Variants in PAX8 observed in about 807,000 individuals in gnomAD.
PAX8 encodes the protein paired box 8, also known as paired box protein Pax-8.
A neutral mutation model predicts 52.4 loss-of-function variants in PAX8; 15 were observed. That is an observed-to-expected ratio of 0.29 (90% CI 0.19 to 0.44). The LOEUF (loss-of-function observed/expected upper bound fraction) is 0.44. PAX8 is among the 20% of genes least tolerant of loss of function. PAX8 has a pLI of 1.00. For synonymous variants in PAX8, 284 were observed against 249.7 expected, an observed-to-expected ratio of 1.14 and a Z score of -1.29; for missense variants, 554 against 602.5, an observed-to-expected ratio of 0.92 and a Z score of 0.84.
At chr2:113,243,481 T>C (rs1302533117) in intron 4 of PAX8, among the ~76,000 whole-genome samples, 1 of 152,076 alleles carries the variant, frequency 6.6e-6, no homozygotes, top group African/African-American at 2.4e-5. Context: ...AACCTCTGCC[T>C]CCCATGTTCA....
At chr2:113,227,754 C>T (rs1689669795) in intron 9 of PAX8, among the ~76,000 whole-genome samples, 1 of 152,106 alleles carries the variant, frequency 6.6e-6, no homozygotes. Context: ...GCCACTAACT[C>T]ATCACTATTT....
intron 9 of PAX8, chr2:113,230,742 C>T (rs1689841592): frequency 6.6e-6 from 1 of 152,232 alleles, no homozygotes; most frequent in Admixed American, 6.5e-5. Context: ...AAGAAGCTTG[C>T]AAGCCTTCTT....
chr2:113,219,759 A>G (rs1475359486), intron 11 of PAX8, among the ~76,000 whole-genome samples: 2 of 152,238 alleles, frequency 1.3e-5, no homozygotes, highest in East Asian at 3.9e-4. Context: ...TGGAGGCAGG[A>G]GGTCCTCTCT....
At chr2:113,273,514 G>A (rs1321193703) in intron 2 of PAX8, 4 of 152,214 alleles carry the variant, frequency 2.6e-5, no homozygotes, top group African/African-American at 9.6e-5. Flanking sequence ...CTGTGTACAG[G>A]TGTAACTTGC....
intron 11 of PAX8, among the ~76,000 whole-genome samples, chr2:113,219,799 C>T (rs934530729): frequency 6.6e-6 from 1 of 152,178 alleles, no homozygotes; most frequent in East Asian, 1.9e-4. Flanking sequence ...CCCTTGTCCT[C>T]CCCTTCAAGG....
At chr2:113,278,268 G>T in intron 2 of PAX8, 102 bp downstream of exon 2, 1 of 993,584 alleles carries the variant, frequency 1.0e-6, no homozygotes, top group Non-Finnish European at 1.5e-6. Flanking sequence ...GGTGGGTCCC[G>T]CGAATCCCGT....
intron 8 of PAX8, chr2:113,236,007 C>T (rs573467555): frequency 4.5e-4 from 97 of 216,886 alleles, no homozygotes; most frequent in African/African-American, 2.2e-3. Context: ...CCGCCTAGGA[C>T]CGGAGGCGCG....
intron 2 of PAX8, chr2:113,274,148 G>A (rs527831891): frequency 1.2e-4 from 19 of 152,166 alleles, no homozygotes; most frequent in African/African-American, 4.6e-4. Flanking sequence ...AGATCACAGG[G>A]GCTTTAATAA....
chr2:113,218,911 C>T (rs1689124475), intron 11 of PAX8, among the ~76,000 whole-genome samples: 1 of 152,188 alleles, frequency 6.6e-6, no homozygotes, highest in African/African-American at 2.4e-5. Context: ...GCATGTGGAA[C>T]CCCAAAGAAT....
chr2:113,235,285 G>A, intron 9 of PAX8, 109 bp downstream of exon 9: 1 of 897,494 alleles, frequency 1.1e-6, no homozygotes, highest in Non-Finnish European at 1.7e-6. Context: ...TAGGGAACAG[G>A]GTGGGGGTGG....
At position 113,238,884 on chromosome 2, in the gene PAX8, G is replaced by GA. The variant is rs1481170984; in HGVS notation, c.778-2164dup. 5 of 152,212 alleles carry GA rather than the reference G, an allele frequency of 3.3e-5. No homozygotes were observed. In the East Asian group the frequency reaches 9.6e-4, roughly 29 times the overall value. The allele number at this position is 152,212 out of a possible 1,614,324, so 9.4% of individuals were successfully genotyped here. A position where few individuals can be genotyped will look rare whatever the true frequency, so the allele number is the denominator to read the frequency against. On this transcript the variant is annotated intron_variant, in intron 7 of 11. Transcript: ENST00000429538. Reference sequence around the variant, plus strand: ...ATCACAGATATTATTTCAGAATCGTGAAGAGTCAGAAGCCACCAAATTCTT... The same window carrying GA: ...ATCACAGATATTATTTCAGAATCGTGAAAGAGTCAGAAGCCACCAAATTCTT...
rs978421736 is a variant in PAX8 at position 113,278,890 on chromosome 2, C to G, written c.-135G>C. On this transcript the variant is annotated 5_prime_UTR_variant, in exon 1 of 12. Coordinates refer to ENST00000429538, the MANE Select transcript of PAX8 (RefSeq NM_003466.4). ...TCCGCCCGCGAGGGTGCCCTGGGCC[C>G]GGTGTCTCTCCTCCTTCTGAAGTTT... The G allele has an allele frequency of 1.2e-5, 13 of 1,053,044 alleles. No individual in the cohort carries two copies. The highest frequency in any genetic ancestry group is 1.5e-5 in the Non-Finnish European group (13 of 870,632). 65.2% of individuals were successfully genotyped at this position (1,053,044 alleles called of 1,614,324 possible). A position where few individuals can be genotyped will look rare whatever the true frequency, so the allele number is the denominator to read the frequency against.
rs745733829 is a variant in PAX8, at chr2:113,220,214, G to C, written c.1190-36C>G. ...CACACAGGGGAGAGGCCTGTGAGGT[G>C]AAGGGCATCAATGCAGGGCTGGGGT... On this transcript the variant is annotated intron_variant, in intron 10 of 11. Coordinates refer to ENST00000429538, the MANE Select transcript of PAX8 (RefSeq NM_003466.4). 4 of 1,519,822 alleles carry C rather than the reference G, an allele frequency of 2.6e-6. No homozygotes were observed. In the East Asian group the frequency reaches 6.8e-5, roughly 26 times the overall value. 94.1% of individuals were successfully genotyped at this position (1,519,822 alleles called of 1,614,324 possible). A position where few individuals can be genotyped will look rare whatever the true frequency, so the allele number is the denominator to read the frequency against.
At chr2:113,224,834 TAAAATATAAAATAAAATAAA>T (rs1416918531) in intron 10 of PAX8, among the ~76,000 whole-genome samples, 76 of 130,596 alleles carry the variant, frequency 5.8e-4, no homozygotes, top group Non-Finnish European at 1.0e-3. Flanking sequence ...TAAAATAAAA[TAAAATATAAAATAAAATAAA>T]ATAAAATAAA....
chr2:113,278,453 C>T lies in PAX8; in HGVS notation c.-59G>A. 4.4e-6 allele frequency: 7 copies of T among 1,605,374 alleles called. No homozygotes were observed. In the South Asian group the frequency reaches 7.7e-5, roughly 18 times the overall value. ...CGGGGCTTCCTCCCGTAGGTCCGGGCCGCGCCTGCCGCTGCCCTGCACAAA... is the reference window on the plus strand; with the variant it reads ...CGGGGCTTCCTCCCGTAGGTCCGGGTCGCGCCTGCCGCTGCCCTGCACAAA... On this transcript the variant is annotated 5_prime_UTR_variant, in exon 2 of 12. Coordinates refer to ENST00000429538, the MANE Select transcript of PAX8 (RefSeq NM_003466.4).
chr2:113,246,963 G>A (rs1361254819), intron 2 of PAX8, 44 bp from the exon 3 acceptor site: 2 of 1,576,354 alleles, frequency 1.3e-6, no homozygotes, highest in Non-Finnish European at 1.7e-6. Context: ...GGGTCAGGTA[G>A]GAGTTTGGGT....
At chr2:113,240,084 G>C (rs935161059) in intron 7 of PAX8, 3 of 152,228 alleles carry the variant, frequency 2.0e-5, no homozygotes, top group Non-Finnish European at 4.4e-5. Context: ...TCATCAGCAG[G>C]GTTTCTTTAC....
intron 2 of PAX8, among the ~76,000 whole-genome samples, chr2:113,261,760 G>A (rs1692696017): frequency 6.6e-6 from 1 of 152,086 alleles, no homozygotes. Context: ...GTAGAGTGGA[G>A]GAAGAAAGTG....
intron 2 of PAX8, 150 bp from the exon 3 acceptor site, chr2:113,247,069 C>A (rs1204140107): frequency 1.3e-6 from 1 of 741,346 alleles, no homozygotes; most frequent in Non-Finnish European, 2.3e-6. Flanking sequence ...CCTCTGCACC[C>A]CTTCCCCAGT....
Sources: allele counts gnomAD v4.1 joint callset (sites outside exome capture counted in the v4.1 genomes callset), GRCh38; gene constraint gnomAD v4.1.1; transcripts MANE v1.5; gene names NCBI Gene and HGNC (gene_info 2026-07-23, HGNC 2026-07-21).